PMFBP1: variants seen among roughly 807,000 people sequenced by gnomAD.
PMFBP1 encodes polyamine-modulated factor 1-binding protein 1.
In PMFBP1, 131 loss-of-function variants were observed where a neutral mutation model predicts 137.8. The ratio of observed to expected loss-of-function variants is 0.95; its 90% CI spans 0.82 to 1.10. PMFBP1 has a LOEUF of 1.10. Ranked by LOEUF, PMFBP1 falls within the 50% of genes least tolerant of loss-of-function variation. The pLI, the probability that PMFBP1 is intolerant of heterozygous loss-of-function variation, is 0.00. For synonymous variants in PMFBP1, 490 were observed against 450.4 expected, an observed-to-expected ratio of 1.09 and a Z score of -1.11; for missense variants, 1,199 against 1,175.4, an observed-to-expected ratio of 1.02 and a Z score of -0.29.
chr16:72,123,709 C>T, intron 17 of PMFBP1, 60 bp from the exon 18 acceptor site: 1 of 1,467,096 alleles, frequency 6.8e-7, no homozygotes, highest in Non-Finnish European at 9.4e-7. Context: ...GTCAGCCCTC[C>T]TTCCGAGTCA....
At chr16:72,126,245 G>T (rs1217768228) in intron 14 of PMFBP1, 113 bp from the exon 15 acceptor site, 35 of 1,196,968 alleles carry the variant, frequency 2.9e-5, no homozygotes, top group Non-Finnish European at 4.0e-5. Flanking sequence ...GCAGCAACCT[G>T]CAGAGTCCGT....
chr16:72,176,658 C>A (rs1329363745), upstream of PMFBP1, among the ~76,000 whole-genome samples: 2 of 152,234 alleles, frequency 1.3e-5, no homozygotes, highest in African/African-American at 2.4e-5. Flanking sequence ...TGCTATGGAA[C>A]TATCATTGCC....
chr16:72,132,730 C>A lies in PMFBP1; in HGVS notation c.1447+18G>T. The A allele has an allele frequency of 6.2e-7, 1 of 1,613,980 alleles. No homozygotes were observed. The highest frequency in any genetic ancestry group is 8.5e-7 in the Non-Finnish European group (1 of 1,179,942). ...CCCACAGAAAAGTGTGGTGGGACAG[C>A]ACCTGCAGGGGCCTCACCAGCCAGC... On this transcript the variant is annotated intron_variant, in intron 10 of 20. Transcript: ENST00000237353.
At chr16:72,158,480 G>A (rs1172950947) in intron 3 of PMFBP1, among the ~76,000 whole-genome samples, 2 of 152,108 alleles carry the variant, frequency 1.3e-5, no homozygotes, top group Non-Finnish European at 2.9e-5. Flanking sequence ...GGCGTGTGTG[G>A]TGTGCTCATG....
chr16:72,185,935 T>G, the PMFBP1 span, among the ~76,000 whole-genome samples: 1 of 152,128 alleles, frequency 6.6e-6, no homozygotes, highest in South Asian at 2.1e-4. Flanking sequence ...ACTGAAATAA[T>G]CTGATATTGA....
upstream of PMFBP1, among the ~76,000 whole-genome samples, chr16:72,178,629 T>A (rs901140107): frequency 6.6e-6 from 1 of 152,202 alleles, no homozygotes; most frequent in African/African-American, 2.4e-5. Context: ...TCTAATACTG[T>A]TATTTATTTT....
intron 19 of PMFBP1, among the ~76,000 whole-genome samples, chr16:72,120,576 A>T (rs1193566194): frequency 6.6e-6 from 1 of 152,176 alleles, no homozygotes; most frequent in African/African-American, 2.4e-5. Flanking sequence ...AGCACAGGAG[A>T]TCCCAGCTCT....
chr16:72,164,605 G>A (rs973753390), intron 3 of PMFBP1, 159 bp downstream of exon 3: 25 of 1,192,220 alleles, frequency 2.1e-5, no homozygotes, highest in South Asian at 1.1e-4. Context: ...GTGTATGTGC[G>A]TTGGGGTGTG....
chr16:72,159,685 A>G (rs1267529063), intron 3 of PMFBP1, among the ~76,000 whole-genome samples: 1 of 152,230 alleles, frequency 6.6e-6, no homozygotes, highest in African/African-American at 2.4e-5. Flanking sequence ...ATCCTTCTAA[A>G]TTCTAAAGGA....
chr16:72,209,383 A>G, the PMFBP1 span, among the ~76,000 whole-genome samples: 7 of 152,256 alleles, frequency 4.6e-5, no homozygotes, highest in African/African-American at 1.4e-4. Flanking sequence ...ATTAATTTAC[A>G]ATGATACTGT....
chr16:72,214,988 C>G, the PMFBP1 span, among the ~76,000 whole-genome samples: 1 of 152,042 alleles, frequency 6.6e-6, no homozygotes, highest in Non-Finnish European at 1.5e-5. Context: ...TTGAGATATA[C>G]CTTCAGTGGT....
Position 72,136,432 on chromosome 16 carries a change from G to A in PMFBP1, c.1203+16C>T, listed in dbSNP as rs2042632416. 1.2e-6 allele frequency: 2 copies of A among 1,610,936 alleles called. No individual in the cohort carries two copies. The highest frequency in any genetic ancestry group is 1.1e-5 in the South Asian group (1 of 90,842). On this transcript the variant is annotated intron_variant, in intron 9 of 20. Coordinates refer to ENST00000237353, the MANE Select transcript of PMFBP1 (RefSeq NM_031293.3). ...CCTGCCCCATTGGGAACCCCAACCA[G>A]AGTTCCTCACTTTACCTTGTCTTTC...
intron 19 of PMFBP1, among the ~76,000 whole-genome samples, chr16:72,122,416 C>T (rs535463355): frequency 1.3e-5 from 2 of 152,194 alleles, no homozygotes; most frequent in African/African-American, 2.4e-5. Flanking sequence ...TAACACTCCT[C>T]GCATACCTCC....
chr16:72,203,259 A>G, the PMFBP1 span, among the ~76,000 whole-genome samples: 1 of 152,212 alleles, frequency 6.6e-6, no homozygotes, highest in Non-Finnish European at 1.5e-5. Context: ...TTAGCAGAAA[A>G]TATCTCAGGT....
chr16:72,204,003 G>A, the PMFBP1 span, among the ~76,000 whole-genome samples: 1 of 152,138 alleles, frequency 6.6e-6, no homozygotes. Context: ...GTCTGCCTCT[G>A]TGCCACGCTC....
At position 72,171,238 on chromosome 16, in the gene PMFBP1, C is replaced by G; in HGVS notation, c.-30G>C. The G allele has an allele frequency of 6.2e-7, 1 of 1,613,056 alleles. No individual in the cohort carries two copies. The highest frequency in any genetic ancestry group is 2.2e-5 in the East Asian group (1 of 44,868). On this transcript the variant is annotated 5_prime_UTR_variant, in exon 2 of 21. Coordinates refer to ENST00000237353, the MANE Select transcript of PMFBP1 (RefSeq NM_031293.3). Reference sequence around the variant, plus strand: ...TTGGCAGCTCTCAATTCTCCTTTAACCTTTAGTATTTTCTGAGCTTTGTTA... The same window carrying G: ...TTGGCAGCTCTCAATTCTCCTTTAAGCTTTAGTATTTTCTGAGCTTTGTTA...
At chr16:72,120,170 T>C in intron 19 of PMFBP1, 81 bp from the exon 20 acceptor site, 1 of 1,601,014 alleles carries the variant, frequency 6.2e-7, no homozygotes, top group Non-Finnish European at 8.5e-7. Context: ...CAGATAAAGG[T>C]GTCACAGGGA....
chr16:72,162,039 A>G lies in PMFBP1; in HGVS notation c.165+2725T>C, dbSNP rs572411852. On this transcript the variant is annotated intron_variant, in intron 3 of 20. Coordinates refer to ENST00000237353, the MANE Select transcript of PMFBP1 (RefSeq NM_031293.3). The stretch of plus-strand genomic sequence containing the variant: ...ATCAGGGCATGCACCCTATGCCACC[A>G]TCAGGGAATGGAGCCTGGGAAAATT... Among the ~76,000 whole-genome samples, 86 of 152,358 alleles carry G rather than the reference A, an allele frequency of 5.6e-4. 1 individual carries two copies. The highest frequency in any genetic ancestry group is 1.6e-4 in the Non-Finnish European group (11 of 68,026).
At chr16:72,209,249 T>C in the PMFBP1 span, among the ~76,000 whole-genome samples, 3 of 152,318 alleles carry the variant, frequency 2.0e-5, no homozygotes, top group South Asian at 6.2e-4. Context: ...CCCAGGTAGG[T>C]TGGCTTTGCA....
Sources: allele counts gnomAD v4.1 joint callset (sites outside exome capture counted in the v4.1 genomes callset), GRCh38; gene constraint gnomAD v4.1.1; transcripts MANE v1.5; gene names NCBI Gene and HGNC (gene_info 2026-07-23, HGNC 2026-07-21).